The following PTPRN2 variants were observed in gnomAD, a reference collection of about 807,000 sequenced individuals.
The protein encoded by PTPRN2 is receptor-type tyrosine-protein phosphatase N2.
A neutral mutation model predicts 118.8 loss-of-function variants in PTPRN2; 74 were observed. That is an observed-to-expected ratio of 0.62 (90% confidence interval 0.52 to 0.76). The LOEUF (loss-of-function observed/expected upper bound fraction) is 0.76. PTPRN2 is among the 30% of genes least tolerant of loss of function. The probability of loss-of-function intolerance (pLI) is 0.00; values close to 1 mark genes in which losing one functional copy is unlikely to be tolerated. For missense variants in PTPRN2, 1,481 were observed against 1,394.4 expected (o/e 1.06, Z -0.99); for synonymous variants, 641 against 608.0 (o/e 1.05, Z -0.80).
At chr7:157,963,743 T>C (rs184853727) in intron 11 of PTPRN2, among the ~76,000 whole-genome samples, 3 of 152,364 alleles carry the variant, frequency 2.0e-5, no homozygotes, top group Non-Finnish European at 4.4e-5. Context: ...CTTGGCTTCC[T>C]GTCACAGCAC....
At chr7:158,346,173 T>C (rs1266717176) in intron 2 of PTPRN2, among the ~76,000 whole-genome samples, 1 of 152,234 alleles carries the variant, frequency 6.6e-6, no homozygotes, top group East Asian at 1.9e-4. Context: ...ACATTTGGAA[T>C]TTGTTCTCTC....
intron 3 of PTPRN2, among the ~76,000 whole-genome samples, chr7:158,261,012 G>A (rs1420179586): frequency 6.6e-6 from 1 of 152,100 alleles, no homozygotes; most frequent in African/African-American, 2.4e-5. Flanking sequence ...GGAGGTCTGG[G>A]CACAATAGAT....
In PTPRN2 at chr7:158,015,014, C is replaced by G. The variant is rs762579518; in HGVS notation, c.1723+66284G>C. ...GAGAATAAGAACTTCTCCTGAATAT[C>G]ATCTTTTCCCTTTTTGCTCTCTCAT... On this transcript the variant is annotated intron_variant, in intron 11 of 22. Transcript: ENST00000389418. The surrounding 1 kb of genome is among the most constrained non-coding windows in gnomAD (Gnocchi z 4.2). Among the ~76,000 whole-genome samples the G allele has an allele frequency of 6.6e-6, 1 of 152,232 alleles. No homozygotes were observed. The highest frequency in any genetic ancestry group is 1.5e-5 in the Non-Finnish European group (1 of 68,044).
At chr7:157,656,214 C>A in intron 14 of PTPRN2, 143 bp downstream of exon 14, 1 of 779,368 alleles carries the variant, frequency 1.3e-6, no homozygotes, top group Non-Finnish European at 2.0e-6. Flanking sequence ...AAGAGCCCTG[C>A]CTGTCAGCCT....
At chr7:157,576,826 T>C (rs1800078271) in intron 18 of PTPRN2, 47 bp from the exon 19 acceptor site, 1 of 1,505,956 alleles carries the variant, frequency 6.6e-7, no homozygotes, top group Non-Finnish European at 9.0e-7. Flanking sequence ...GTGTGGACAT[T>C]GTGAACCGAA....
chr7:157,565,405 T>A (rs1347047297), intron 21 of PTPRN2, among the ~76,000 whole-genome samples: 1 of 152,132 alleles, frequency 6.6e-6, no homozygotes, highest in African/African-American at 2.4e-5. Context: ...CACCCCAGAC[T>A]CACTCTGCAC....
At chr7:158,333,213 G>T (rs58096419) in intron 2 of PTPRN2, among the ~76,000 whole-genome samples, 1 of 73,068 alleles carries the variant, frequency 1.4e-5, no homozygotes, top group Non-Finnish European at 2.8e-5. Flanking sequence ...GCTGTCGCCC[G>T]CAGACGTGAC....
At chr7:158,221,846 T>G (rs1462002634) in intron 3 of PTPRN2, among the ~76,000 whole-genome samples, 2 of 151,986 alleles carry the variant, frequency 1.3e-5, no homozygotes, top group East Asian at 3.9e-4. Context: ...AGAAATTTAA[T>G]ATCCAGAATC....
chr7:158,496,209 AGCCTC>A (rs1821832683), intron 1 of PTPRN2, among the ~76,000 whole-genome samples: 1 of 120,834 alleles, frequency 8.3e-6, no homozygotes, highest in Non-Finnish European at 1.8e-5. Flanking sequence ...CCTTCCCTGC[AGCCTC>A]CCCCTTCCCT....
intron 2 of PTPRN2, among the ~76,000 whole-genome samples, chr7:158,434,763 A>G (rs1167366568): frequency 6.6e-6 from 1 of 151,502 alleles, no homozygotes; most frequent in Non-Finnish European, 1.5e-5. Context: ...TATTTTTATT[A>G]TTATTTTGAT....
At position 158,526,724 on chromosome 7, in the gene PTPRN2, G is replaced by C. The variant is rs947042627; in HGVS notation, c.113-36939C>G. On this transcript the variant is annotated intron_variant, in intron 1 of 22. Transcript: ENST00000389418. This position sits in a 1 kb window ranked among gnomAD's most constrained non-coding sequence, Gnocchi z 5.2. Reference sequence around the variant, plus strand: ...TGGGTCCTTATGGAGGAGGAGGTGAGGACACAGACACGCACAGATGGACAA... The same window carrying C: ...TGGGTCCTTATGGAGGAGGAGGTGACGACACAGACACGCACAGATGGACAA... Among the ~76,000 whole-genome samples the C allele has an allele frequency of 2.0e-5, 3 of 151,930 alleles. No homozygotes were observed. The highest frequency in any genetic ancestry group is 4.4e-5 in the Non-Finnish European group (3 of 67,964).
chr7:158,115,531 C>T (rs1207305712), intron 9 of PTPRN2, among the ~76,000 whole-genome samples: 1 of 152,014 alleles, frequency 6.6e-6, no homozygotes, highest in Non-Finnish European at 1.5e-5. Context: ...GGAGGAGGGG[C>T]CTATGGGAGG....
At chr7:158,073,010 C>T (rs781660058) in intron 11 of PTPRN2, among the ~76,000 whole-genome samples, 1 of 152,140 alleles carries the variant, frequency 6.6e-6, no homozygotes, top group African/African-American at 2.4e-5. Context: ...GGTGCAGCTA[C>T]AGGGCAGGAC....
At chr7:158,245,391 C>G (rs1161028945) in intron 3 of PTPRN2, among the ~76,000 whole-genome samples, 3 of 152,270 alleles carry the variant, frequency 2.0e-5, no homozygotes, top group Non-Finnish European at 2.9e-5. Flanking sequence ...CAGAGCTGGT[C>G]AAACGGGACT....
intron 11 of PTPRN2, among the ~76,000 whole-genome samples, chr7:158,061,805 CG>C (rs1810371466): frequency 6.6e-6 from 1 of 152,256 alleles, no homozygotes; most frequent in Non-Finnish European, 1.5e-5. Flanking sequence ...TCACACAAGA[CG>C]CTCTGAGCAG....
At chr7:157,592,839 G>A (rs1801069056) in intron 17 of PTPRN2, among the ~76,000 whole-genome samples, 1 of 149,308 alleles carries the variant, frequency 6.7e-6, no homozygotes. Flanking sequence ...GACGGAGGGT[G>A]GATGTGGCAC....
At chr7:158,540,057 G>A (rs1381149131) in intron 1 of PTPRN2, among the ~76,000 whole-genome samples, 1 of 152,200 alleles carries the variant, frequency 6.6e-6, no homozygotes, top group African/African-American at 2.4e-5. Flanking sequence ...GGACTGGCTG[G>A]GACAGGCTGG....
intron 12 of PTPRN2, among the ~76,000 whole-genome samples, chr7:157,748,450 T>TG (rs139745517): frequency 0.013 from 1,637 of 130,734 alleles, 123 homozygotes; most frequent in Admixed American, 0.038. Flanking sequence ...CCCTGAGCTG[T>TG]GGGGTGTCTG....
Position 158,457,969 on chromosome 7 carries a change from G to A in PTPRN2, c.163+31766C>T, listed in dbSNP as rs1010235125. Among the ~76,000 whole-genome samples, 11 of 152,298 alleles carry A rather than the reference G, an allele frequency of 7.2e-5. No homozygotes were observed. The East Asian group carries it at 7.7e-4, about 11-fold the overall frequency. On this transcript the variant is annotated intron_variant, in intron 2 of 22. Transcript: ENST00000389418. ...ATTTTCATCCATTTGGAAGGGTTCC[G>A]GGTCTCCTGGGAGTTTTAGAAATTG...
Sources: allele counts gnomAD v4.1 joint callset (sites outside exome capture counted in the v4.1 genomes callset), GRCh38; gene constraint gnomAD v4.1.1; non-coding constraint Gnocchi (gnomAD v3.1); transcripts MANE v1.5; gene names NCBI Gene and HGNC (gene_info 2026-07-23, HGNC 2026-07-21).